The following MEGF11 variants were observed in gnomAD, a reference collection of about 807,000 sequenced individuals.
MEGF11 encodes the protein multiple epidermal growth factor-like domains protein 11.
MEGF11 carries 126 observed loss-of-function variants against 146.6 expected under a neutral mutation model. The observed-to-expected ratio is 0.86, with a 90% CI of 0.74 to 1.00. The LOEUF (loss-of-function observed/expected upper bound fraction) is 1.00, where lower values mean the gene tolerates loss of function less well. MEGF11 is among the 50% of genes least tolerant of loss of function. The pLI, the probability that MEGF11 is intolerant of heterozygous loss-of-function variation, is 0.00. For synonymous variants in MEGF11, 532 were observed against 583.4 expected, an observed-to-expected ratio of 0.91 and a Z score of 1.27; for missense variants, 1,509 against 1,521.2, an observed-to-expected ratio of 0.99 and a Z score of 0.13.
At chr15:66,100,787 C>T (rs2086759322) in intron 4 of MEGF11, among the ~76,000 whole-genome samples, 1 of 142,522 alleles carries the variant, frequency 7.0e-6, no homozygotes, top group South Asian at 2.2e-4. Context: ...TTCCTTCTTT[C>T]GTGGTACCAA....
chr15:65,916,992 G>A (rs1381090023), intron 16 of MEGF11, 36 bp from the exon 17 acceptor site: 28 of 1,452,870 alleles, frequency 1.9e-5, no homozygotes, highest in Non-Finnish European at 2.5e-5. Context: ...GTGAGGGGAA[G>A]GCAGAGAGGG....
chr15:65,990,496 G>C (rs1019354701), intron 5 of MEGF11, among the ~76,000 whole-genome samples: 1 of 151,920 alleles, frequency 6.6e-6, no homozygotes. Context: ...GCTGCAGTGA[G>C]CTGTGATGGC....
intron 5 of MEGF11, among the ~76,000 whole-genome samples, chr15:66,079,039 C>T (rs1197153381): frequency 2.0e-5 from 3 of 152,228 alleles, no homozygotes; most frequent in East Asian, 1.9e-4. Context: ...GCCTCACCCC[C>T]ACCTCCTGCT....
At chr15:66,232,932 G>C (rs1015181520) in intron 1 of MEGF11, among the ~76,000 whole-genome samples, 2 of 152,200 alleles carry the variant, frequency 1.3e-5, no homozygotes, top group African/African-American at 2.4e-5. Context: ...TACTAGGTGA[G>C]TGGAGGACCC....
rs533743337 is a variant in MEGF11 at position 66,156,609 on chromosome 15, G to A, written c.-8-28198C>T. ...GCTCCCTGAGTCAAGACTCCTGCCA[G>A]CCCCTTGGTTTGGAGCCTTCTTTCC... On this transcript the variant is annotated intron_variant, in intron 1 of 25. Transcript: ENST00000395614. 6.7e-4 allele frequency among the ~76,000 whole-genome samples: 102 copies of A among 151,848 alleles called. 1 individual carries two copies. Among genetic ancestry groups the A allele is most frequent in the Admixed American group, 3.3e-3 (51 of 15,242 alleles).
intron 2 of MEGF11, among the ~76,000 whole-genome samples, chr15:66,127,478 G>A (rs116182004): frequency 0.018 from 2,742 of 152,264 alleles, 91 homozygotes; most frequent in African/African-American, 0.063. Context: ...CATGAAGCAC[G>A]GACCCCCGCT....
intron 1 of MEGF11, among the ~76,000 whole-genome samples, chr15:66,212,794 TC>T (rs5813382): frequency 1 from 152,255 of 152,256 alleles, 76,127 homozygotes; most frequent in Non-Finnish European, 1. Context: ...TGCCAGGGAC[TC>T]CCCCCCAGCC....
rs35039801 is a variant in MEGF11 at position 65,988,008 on chromosome 15, CT to C, written c.395-5521del. 3.0e-3 allele frequency among the ~76,000 whole-genome samples: 281 copies of C among 93,596 alleles called. 1 individual carries two copies. The highest frequency in any genetic ancestry group is 5.6e-3 in the African/African-American group (137 of 24,320). 61.4% of individuals were successfully genotyped at this position (93,596 alleles called of 152,430 possible). On this transcript the variant is annotated intron_variant, in intron 5 of 25. Coordinates refer to ENST00000395614, the MANE Select transcript of MEGF11 (RefSeq NM_001385028.1). ...ACAGGCATGAGCCACAGTACCCGGT[CT>C]TTTTTTTTTTTTTTTTTTGATGGAG...
chr15:66,029,760 C>A (rs567690175), intron 5 of MEGF11, among the ~76,000 whole-genome samples: 1 of 152,288 alleles, frequency 6.6e-6, no homozygotes, highest in African/African-American at 2.4e-5. Flanking sequence ...CCCAGGCCTT[C>A]CTCTTTGCAC....
chr15:66,060,778 A>G (rs1024589547), intron 5 of MEGF11, among the ~76,000 whole-genome samples: 8 of 152,254 alleles, frequency 5.3e-5, no homozygotes, highest in African/African-American at 1.9e-4. Context: ...TGAGCAGGAA[A>G]GATCTGTGCA....
chr15:66,249,342 G>GT (rs1286020416), intron 1 of MEGF11, among the ~76,000 whole-genome samples: 3 of 151,974 alleles, frequency 2.0e-5, no homozygotes, highest in East Asian at 1.9e-4. Context: ...AAGAAGGCAT[G>GT]TTTTTTTGGA....
At chr15:66,069,477 A>C (rs763396245) in intron 5 of MEGF11, among the ~76,000 whole-genome samples, 3 of 152,028 alleles carry the variant, frequency 2.0e-5, no homozygotes, top group Non-Finnish European at 4.4e-5. Flanking sequence ...AACCCCTGTA[A>C]AGAAGGTACT....
At chr15:65,905,988 C>T in intron 24 of MEGF11, 97 bp downstream of exon 24, 4 of 1,039,550 alleles carry the variant, frequency 3.8e-6, no homozygotes, top group East Asian at 5.3e-5. Flanking sequence ...GGCAGGCACA[C>T]ACAGTTTGTC....
chr15:66,117,973 A>G (rs891399472), intron 4 of MEGF11, among the ~76,000 whole-genome samples: 1 of 152,136 alleles, frequency 6.6e-6, no homozygotes, highest in Non-Finnish European at 1.5e-5. Flanking sequence ...AGTAGGAGAA[A>G]ATTGTCATTT....
chr15:65,972,717 C>G (rs967461674), intron 7 of MEGF11, among the ~76,000 whole-genome samples: 4 of 152,196 alleles, frequency 2.6e-5, no homozygotes, highest in Non-Finnish European at 5.9e-5. Context: ...TAAACTAACA[C>G]TCAAGTAGGG....
intron 13 of MEGF11, among the ~76,000 whole-genome samples, chr15:65,924,761 G>T (rs1192339776): frequency 2.6e-5 from 4 of 151,930 alleles, no homozygotes; most frequent in African/African-American, 9.7e-5. Context: ...GAGTAGCTGG[G>T]ATTACAGGTA....
At position 66,206,775 on chromosome 15, in the gene MEGF11, C is replaced by A. The variant is rs958323119; in HGVS notation, c.-9+46830G>T. Among the ~76,000 whole-genome samples, 7 of 152,162 alleles carry A rather than the reference C, an allele frequency of 4.6e-5. No homozygotes were observed. In the East Asian group the frequency reaches 1.4e-3, roughly 29 times the overall value. On this transcript the variant is annotated intron_variant, in intron 1 of 25. Coordinates refer to ENST00000395614, the MANE Select transcript of MEGF11 (RefSeq NM_001385028.1). ...AAAATTAGCCAGGCATGGTAGCGCA[C>A]GCCTGTAGTCCCAGCTACTCAGGAG...
intron 1 of MEGF11, among the ~76,000 whole-genome samples, chr15:66,230,685 G>C (rs182210704): frequency 6.6e-6 from 1 of 152,350 alleles, no homozygotes; most frequent in Non-Finnish European, 1.5e-5. Flanking sequence ...GATGAAACAA[G>C]ATAGGCAAAA....
At chr15:66,229,429 T>A (rs577306539) in intron 1 of MEGF11, among the ~76,000 whole-genome samples, 3 of 152,306 alleles carry the variant, frequency 2.0e-5, no homozygotes, top group African/African-American at 7.2e-5. Flanking sequence ...AATGTGGGCC[T>A]GGAGTTGCAG....
Sources: gnomAD v4.1 joint callset for allele counts (sites outside exome capture counted in the v4.1 genomes callset) on GRCh38, gnomAD v4.1.1 for gene constraint, MANE v1.5 for transcripts, NCBI Gene and HGNC (gene_info 2026-07-23, HGNC 2026-07-21) for gene names.